Variants in MCM5 observed in about 807,000 individuals in gnomAD.
The protein encoded by MCM5 is minichromosome maintenance complex component 5.
A neutral mutation model predicts 79.9 loss-of-function variants in MCM5; 46 were observed. The ratio of observed to expected loss-of-function variants is 0.58; its 90% CI spans 0.45 to 0.74. The LOEUF (loss-of-function observed/expected upper bound fraction) is 0.74. MCM5 is among the 30% of genes least tolerant of loss of function. MCM5 has a pLI of 0.00. For missense variants in MCM5, 883 were observed against 1,017.0 expected, an observed-to-expected ratio of 0.87 and a Z score of 1.79; for synonymous variants, 404 against 390.5, an observed-to-expected ratio of 1.03 and a Z score of -0.41.
At chr22:35,400,957 C>A (rs1419181507) in intron 2 of MCM5, among the ~76,000 whole-genome samples, 1 of 152,122 alleles carries the variant, frequency 6.6e-6, no homozygotes, top group Admixed American at 6.6e-5. Flanking sequence ...GTAGGTGGGA[C>A]TACCCCCGCC....
At chr22:35,428,413 G>C (rs915770378), downstream of MCM5, among the ~76,000 whole-genome samples, 1 of 151,378 alleles carries the variant, frequency 6.6e-6, no homozygotes, top group Non-Finnish European at 1.5e-5. Flanking sequence ...CTCCTGCCTC[G>C]GCCTCCCAAA....
At chr22:35,401,903 T>C (rs1487420305) in intron 2 of MCM5, 2 of 359,564 alleles carry the variant, frequency 5.6e-6, no homozygotes, top group South Asian at 4.1e-5. Flanking sequence ...GAAAGCTTTC[T>C]GTCTAGGTAG....
chr22:35,416,769 C>T lies in MCM5; in HGVS notation c.1545C>T (p.Asp515=), dbSNP rs1159009093. ...DFMPTILSRF[D]MIFIVKDEHN... The stretch of plus-strand genomic sequence containing the variant: ...TGCCCACCATCTTGTCGCGCTTCGA[C>T]ATGATCTTCATCGTCAAGGATGAGC... The change falls in exon 12 of 17, where the codon GAC becomes GAT. Residue 515 remains aspartate (D), a synonymous_variant. Transcript: ENST00000216122. 1 of 1,613,998 alleles carries T rather than the reference C, an allele frequency of 6.2e-7. No individual in the cohort carries two copies. The highest frequency in any genetic ancestry group is 1.3e-5 in the African/African-American group (1 of 74,912).
Position 35,424,168 on chromosome 22 carries a change from C to G in MCM5, c.2118C>G (p.His706Gln), listed in dbSNP as rs1176009452. ...TGCTCCCACAGAAATACCCGGAGCA[C>G]GCCATCCACAAGGTGCTGCAGCTCA... ...KDFTKQKYPE[H>Q]AIHKVLQLML... Residue 706 changes from histidine to glutamine, a missense_variant, in exon 17 of 17, where the codon CAC (histidine) becomes CAG (glutamine). This residue lies in a region of MCM5 where 426 missense variants were observed against 482.3 expected (regional missense o/e 0.88). Transcript: ENST00000216122. The G allele has an allele frequency of 6.4e-7, 1 of 1,551,062 alleles. No homozygotes were observed. Among genetic ancestry groups the G allele is most frequent in the Non-Finnish European group, 8.7e-7 (1 of 1,146,812 alleles).
chr22:35,403,677 T>G, intron 4 of MCM5, 135 bp downstream of exon 4: 1 of 1,103,298 alleles, frequency 9.1e-7, no homozygotes, highest in Non-Finnish European at 1.3e-6. Context: ...AAAAGGATCG[T>G]TTGTTGTTTT....
intron 2 of MCM5, chr22:35,401,615 C>T (rs1601750050): frequency 2.1e-6 from 1 of 471,056 alleles, no homozygotes; most frequent in Admixed American, 2.3e-5. Flanking sequence ...CTCTGGGCCT[C>T]ACCAGGCCAG....
the MCM5 span, among the ~76,000 whole-genome samples, chr22:35,431,031 C>T: frequency 0.016 from 2,427 of 152,264 alleles, 61 homozygotes; most frequent in African/African-American, 0.054. Context: ...TGCAGCCTCC[C>T]GCACCCACCC....
rs1932760382 is a variant in MCM5 at position 35,424,609 on chromosome 22, T to C, written c.*354T>C. 2 of 191,604 alleles carry C rather than the reference T, an allele frequency of 1.0e-5. No individual in the cohort carries two copies. The highest frequency in any genetic ancestry group is 6.2e-5 in the Admixed American group (1 of 16,260). 11.9% of individuals were successfully genotyped at this position (191,604 alleles called of 1,614,324 possible). A position where few individuals can be genotyped will look rare whatever the true frequency, so the allele number is the denominator to read the frequency against. ...GGCAGACTGGCCAGGGTTTCTGACT[T>C]GGATCTGCCACTCAGACTTCTGGGT... On this transcript the variant is annotated 3_prime_UTR_variant, in exon 17 of 17. Coordinates refer to ENST00000216122, the MANE Select transcript of MCM5 (RefSeq NM_006739.4).
chr22:35,442,831 A>C, the MCM5 span, among the ~76,000 whole-genome samples: 4 of 152,188 alleles, frequency 2.6e-5, no homozygotes, highest in Non-Finnish European at 5.9e-5. Context: ...TTTCCAGGCC[A>C]CTACTCTGCC....
At chr22:35,444,332 A>G in the MCM5 span, among the ~76,000 whole-genome samples, 1 of 152,126 alleles carries the variant, frequency 6.6e-6, no homozygotes, top group South Asian at 2.1e-4. Context: ...GGGGAAGCAG[A>G]GAGAGAGCAG....
At chr22:35,418,686 TACACACACACACAC>T (rs34663823) in intron 13 of MCM5, among the ~76,000 whole-genome samples, 1 of 149,204 alleles carries the variant, frequency 6.7e-6, no homozygotes, top group Non-Finnish European at 1.5e-5. Flanking sequence ...TATATATGTG[TACACACACACACAC>T]ACACACACAC....
At chr22:35,436,520 G>A in the MCM5 span, among the ~76,000 whole-genome samples, 3 of 152,234 alleles carry the variant, frequency 2.0e-5, no homozygotes. Flanking sequence ...GGGCCCTGCT[G>A]TTTCTACTCC....
chr22:35,409,157 G>T (rs543640521), intron 6 of MCM5, among the ~76,000 whole-genome samples: 9 of 152,252 alleles, frequency 5.9e-5, no homozygotes, highest in African/African-American at 2.2e-4. Flanking sequence ...TAGAGATGAG[G>T]TTTCACCTTG....
At chr22:35,406,428 G>A (rs1932217017) in intron 4 of MCM5, 125 bp from the exon 5 acceptor site, 1 of 821,150 alleles carries the variant, frequency 1.2e-6, no homozygotes, top group East Asian at 2.6e-5. Context: ...GAACAGAAGA[G>A]CTGTGGCCCT....
chr22:35,441,717 C>T, the MCM5 span, among the ~76,000 whole-genome samples: 3 of 152,026 alleles, frequency 2.0e-5, no homozygotes, highest in Admixed American at 1.3e-4. Flanking sequence ...AGGGAAGGCT[C>T]CCTGGAAGAG....
rs1932584405 is a variant in MCM5, at chr22:35,417,729, C to T, written c.1591-15C>T. On this transcript the variant is annotated splice_polypyrimidine_tract_variant and intron_variant, in intron 12 of 16. Transcript: ENST00000216122. ...ACGGCCTGTGGGATGACCCATTATC[C>T]CCTCTGCTCTCCAGATGCTGGCCAA... is the stretch of plus-strand genomic sequence containing the variant. 2 of 1,585,946 alleles carry T rather than the reference C, an allele frequency of 1.3e-6. No individual in the cohort carries two copies. The highest frequency in any genetic ancestry group is 2.2e-5 in the South Asian group (2 of 90,516).
At chr22:35,418,974 C>T (rs1209261310) in intron 13 of MCM5, among the ~76,000 whole-genome samples, 1 of 152,172 alleles carries the variant, frequency 6.6e-6, no homozygotes, top group Non-Finnish European at 1.5e-5. Flanking sequence ...CGATTCTTGT[C>T]GTACAGCGCT....
intron 4 of MCM5, among the ~76,000 whole-genome samples, chr22:35,406,026 AAAAAG>A (rs1265040628): frequency 6.6e-6 from 1 of 152,074 alleles, no homozygotes; most frequent in East Asian, 1.9e-4. Flanking sequence ...AAAAAAAAGA[AAAAAG>A]AAAAAATATT....
chr22:35,420,271 C>T (rs1267380696), intron 14 of MCM5, among the ~76,000 whole-genome samples: 5 of 152,182 alleles, frequency 3.3e-5, no homozygotes, highest in Admixed American at 6.5e-5. Context: ...GTAGGAAGCC[C>T]GAAGGGAGGG....
Sources: allele counts gnomAD v4.1 joint callset (sites outside exome capture counted in the v4.1 genomes callset), GRCh38; gene constraint gnomAD v4.1.1; regional missense constraint gnomAD v4.1.1; transcripts MANE v1.5; gene names NCBI Gene and HGNC (gene_info 2026-07-23, HGNC 2026-07-21).